DOCK4: variants seen among roughly 807,000 people sequenced by gnomAD.
The protein encoded by DOCK4 is dedicator of cytokinesis protein 4.
A neutral mutation model predicts 268.1 loss-of-function variants in DOCK4; 97 were observed. The observed-to-expected ratio is 0.36, with a 90% CI of 0.31 to 0.43. DOCK4 has a LOEUF of 0.43. DOCK4 is among the 20% of genes least tolerant of loss of function. The probability of loss-of-function intolerance (pLI) is 1.00; values close to 1 mark genes in which losing one functional copy is unlikely to be tolerated. For synonymous variants in DOCK4, 954 were observed against 887.2 expected, an observed-to-expected ratio of 1.08 and a Z score of -1.34; for missense variants, 2,145 against 2,455.7, an observed-to-expected ratio of 0.87 and a Z score of 2.67.
At chr7:111,985,297 C>G (rs990384169) in intron 6 of DOCK4, among the ~76,000 whole-genome samples, 1 of 152,044 alleles carries the variant, frequency 6.6e-6, no homozygotes, top group Non-Finnish European at 1.5e-5. Context: ...CGATCAAGGC[C>G]GAGATGATAC....
chr7:112,194,868 C>T (rs1301184292), intron 1 of DOCK4, among the ~76,000 whole-genome samples: 1 of 152,118 alleles, frequency 6.6e-6, no homozygotes, highest in Non-Finnish European at 1.5e-5. Context: ...CATGATATTG[C>T]CTAACCTGGG....
intron 16 of DOCK4, among the ~76,000 whole-genome samples, chr7:111,883,030 T>C (rs910441241): frequency 6.6e-6 from 1 of 152,176 alleles, no homozygotes; most frequent in Non-Finnish European, 1.5e-5. Context: ...ACAAACATAA[T>C]AAACAGCCTC....
At chr7:112,200,495 G>A (rs1820812063) in intron 1 of DOCK4, among the ~76,000 whole-genome samples, 1 of 151,940 alleles carries the variant, frequency 6.6e-6, no homozygotes, top group East Asian at 1.9e-4. Flanking sequence ...TTGTATTACT[G>A]TGTTACGGTT....
intron 27 of DOCK4, among the ~76,000 whole-genome samples, chr7:111,815,012 T>C (rs947096044): frequency 1.2e-4 from 19 of 152,228 alleles, no homozygotes; most frequent in Admixed American, 7.9e-4. Context: ...TATTTTAAAC[T>C]TTTACAGTTC....
At chr7:111,883,598 T>C (rs555203262) in intron 16 of DOCK4, among the ~76,000 whole-genome samples, 5 of 152,162 alleles carry the variant, frequency 3.3e-5, no homozygotes, top group Admixed American at 6.5e-5. Flanking sequence ...ATATCCCATG[T>C]AGCTCAACTG....
At chr7:112,194,496 T>C (rs1162643895) in intron 1 of DOCK4, among the ~76,000 whole-genome samples, 1 of 152,202 alleles carries the variant, frequency 6.6e-6, no homozygotes, top group Non-Finnish European at 1.5e-5. Flanking sequence ...GTCAAACTCA[T>C]ATAACAAGGA....
intron 8 of DOCK4, among the ~76,000 whole-genome samples, chr7:111,960,033 T>C (rs1796743194): frequency 6.6e-6 from 1 of 152,088 alleles, no homozygotes; most frequent in South Asian, 2.1e-4. Flanking sequence ...TAATTATTTA[T>C]ATATTTTTAA....
At chr7:112,179,815 A>G (rs74704430) in intron 1 of DOCK4, among the ~76,000 whole-genome samples, 15,897 of 152,266 alleles carry the variant, frequency 0.1, 1,042 homozygotes, top group South Asian at 0.16. Flanking sequence ...ATACACAGTG[A>G]AACACACACC....
intron 32 of DOCK4, among the ~76,000 whole-genome samples, chr7:111,786,141 C>A (rs1799148373): frequency 6.6e-6 from 1 of 152,144 alleles, no homozygotes; most frequent in South Asian, 2.1e-4. Context: ...TGTGTGATCA[C>A]TAAAAATCTT....
At chr7:111,875,715 G>A (rs899139409) in intron 17 of DOCK4, among the ~76,000 whole-genome samples, 1 of 152,206 alleles carries the variant, frequency 6.6e-6, no homozygotes, top group Non-Finnish European at 1.5e-5. Context: ...GGCTTCTAAA[G>A]CTAGGAAGGG....
chr7:111,741,893 T>TA (rs1225393883), intron 45 of DOCK4, 120 bp downstream of exon 45: 2 of 1,377,688 alleles, frequency 1.5e-6, no homozygotes, highest in Non-Finnish European at 1.9e-6. Flanking sequence ...GGCTCCCTGG[T>TA]AAAACAGTGC....
At chr7:111,879,715 T>G (rs1166160733) in intron 16 of DOCK4, among the ~76,000 whole-genome samples, 1 of 152,034 alleles carries the variant, frequency 6.6e-6, no homozygotes, top group Non-Finnish European at 1.5e-5. Flanking sequence ...ATGAGATAAA[T>G]TTAACAAAGA....
At chr7:112,021,546 G>A (rs929838910) in intron 1 of DOCK4, among the ~76,000 whole-genome samples, 1 of 152,194 alleles carries the variant, frequency 6.6e-6, no homozygotes, top group African/African-American at 2.4e-5. Flanking sequence ...CTTCCCATGG[G>A]CAAGTCAGAT....
intron 1 of DOCK4, among the ~76,000 whole-genome samples, chr7:112,163,688 G>A (rs528214443): frequency 2.6e-5 from 4 of 152,112 alleles, no homozygotes; most frequent in Non-Finnish European, 5.9e-5. Flanking sequence ...ATAAATCAAT[G>A]AAATAATTAT....
chr7:111,987,310 A>G (rs566965421), intron 6 of DOCK4, among the ~76,000 whole-genome samples: 1 of 152,180 alleles, frequency 6.6e-6, no homozygotes, highest in African/African-American at 2.4e-5. Flanking sequence ...TTCTGCCATC[A>G]TTTTCTTTCA....
chr7:112,092,020 GCACTTCGTAAGCAAC>G (rs1230856972), intron 1 of DOCK4, among the ~76,000 whole-genome samples: 1 of 152,152 alleles, frequency 6.6e-6, no homozygotes, highest in East Asian at 1.9e-4. Context: ...GTGCAGGTGA[GCACTTCGTAAGCAAC>G]CACAGAGGCT....
chr7:112,093,056 G>T (rs1303087232), intron 1 of DOCK4, among the ~76,000 whole-genome samples: 1 of 152,172 alleles, frequency 6.6e-6, no homozygotes, highest in Non-Finnish European at 1.5e-5. Flanking sequence ...TTGGGGGCAT[G>T]TGGAGATAAT....
At chr7:111,949,618 G>A (rs1795893323) in intron 8 of DOCK4, among the ~76,000 whole-genome samples, 1 of 151,304 alleles carries the variant, frequency 6.6e-6, no homozygotes, top group African/African-American at 2.4e-5. Flanking sequence ...TCTTTTAAAA[G>A]CCAGACTTCT....
chr7:111,804,630 C>A (rs184000869), intron 30 of DOCK4, among the ~76,000 whole-genome samples: 1 of 151,668 alleles, frequency 6.6e-6, no homozygotes, highest in Non-Finnish European at 1.5e-5. Flanking sequence ...GACAGAGTCT[C>A]GCTCTGTCCC....
Sources: gnomAD v4.1 joint callset for allele counts (sites outside exome capture counted in the v4.1 genomes callset) on GRCh38, gnomAD v4.1.1 for gene constraint, MANE v1.5 for transcripts, NCBI Gene and HGNC (gene_info 2026-07-23, HGNC 2026-07-21) for gene names.